PRDM10: variants seen among roughly 807,000 people sequenced by gnomAD.
The protein encoded by PRDM10 is PR domain zinc finger protein 10.
In PRDM10, 65 loss-of-function variants were observed where a neutral mutation model predicts 133.1. The observed-to-expected ratio is 0.49, with a 90% CI of 0.40 to 0.60. The LOEUF is 0.60. PRDM10 is among the 20% of genes least tolerant of loss of function. The probability of loss-of-function intolerance (pLI) is 0.00; values close to 1 mark genes in which losing one functional copy is unlikely to be tolerated. For synonymous variants in PRDM10, 582 were observed against 580.4 expected (o/e 1.00, Z -0.04); for missense variants, 1,137 against 1,507.1 (o/e 0.75, Z 4.07).
intron 1 of PRDM10, among the ~76,000 whole-genome samples, chr11:129,998,328 A>C (rs967260059): frequency 6.6e-6 from 1 of 152,144 alleles, no homozygotes; most frequent in Non-Finnish European, 1.5e-5. Flanking sequence ...AGCAGGAAAG[A>C]AGCTGTGGAG....
chr11:129,907,683 G>A (rs529067973), intron 19 of PRDM10, among the ~76,000 whole-genome samples: 27 of 151,914 alleles, frequency 1.8e-4, no homozygotes, highest in Admixed American at 8.5e-4. Context: ...GATTACAGAC[G>A]TGAGCCACTG....
At chr11:129,941,693 G>A (rs1228728135) in intron 7 of PRDM10, among the ~76,000 whole-genome samples, 4 of 152,220 alleles carry the variant, frequency 2.6e-5, no homozygotes, top group Non-Finnish European at 5.9e-5. Context: ...TTCAATACAT[G>A]ACATGAGATA....
At chr11:129,981,461 C>T (rs1327294579) in intron 1 of PRDM10, among the ~76,000 whole-genome samples, 1 of 152,112 alleles carries the variant, frequency 6.6e-6, no homozygotes, top group African/African-American at 2.4e-5. Flanking sequence ...GAAATGTAAT[C>T]ATACTTTTTT....
At chr11:129,925,299 G>T in intron 11 of PRDM10, 70 bp from the exon 12 acceptor site, 1 of 1,369,522 alleles carries the variant, frequency 7.3e-7, no homozygotes, top group South Asian at 1.4e-5. Context: ...CACTTTTACA[G>T]AGAAAGAGAG....
intron 8 of PRDM10, among the ~76,000 whole-genome samples, chr11:129,937,183 G>T (rs773574289): frequency 6.6e-6 from 1 of 152,186 alleles, no homozygotes; most frequent in Non-Finnish European, 1.5e-5. Flanking sequence ...CTGGGTGCAG[G>T]TTACATGGGT....
intron 1 of PRDM10, among the ~76,000 whole-genome samples, chr11:129,990,866 CAGTG>C (rs1372795785): frequency 6.6e-6 from 1 of 152,076 alleles, no homozygotes; most frequent in Non-Finnish European, 1.5e-5. Flanking sequence ...TTATTAAAGA[CAGTG>C]AGCTCAGATA....
chr11:129,993,763 C>T (rs547862169), intron 1 of PRDM10, among the ~76,000 whole-genome samples: 43 of 152,276 alleles, frequency 2.8e-4, no homozygotes, highest in African/African-American at 8.9e-4. Context: ...GGATTACAGG[C>T]GTGAGCCACC....
At position 129,915,038 on chromosome 11, in the gene PRDM10, AACAAG is replaced by A; in HGVS notation, c.2527-25_2527-21del. On this transcript the variant is annotated intron_variant, in intron 16 of 20. Transcript: ENST00000360871. ...CTTGGTCTGAAAAAGCAAGGCAAAAAACAAGAATAATTATTAGAATTTGTGATTTT... is the reference window on the plus strand; with the variant it reads ...CTTGGTCTGAAAAAGCAAGGCAAAAAAATAATTATTAGAATTTGTGATTTT... The A allele has an allele frequency of 6.4e-7, 1 of 1,557,248 alleles. No individual in the cohort carries two copies. Among genetic ancestry groups the A allele is most frequent in the Non-Finnish European group, 8.7e-7 (1 of 1,148,712 alleles).
chr11:129,980,861 GTT>G (rs60735364), intron 1 of PRDM10, among the ~76,000 whole-genome samples: 1,157 of 102,042 alleles, frequency 0.011, 18 homozygotes, highest in African/African-American at 0.042. Context: ...GACATTTCTG[GTT>G]TTTTTTTTTT....
At chr11:129,973,017 T>C (rs1461458699) in intron 1 of PRDM10, among the ~76,000 whole-genome samples, 1 of 152,234 alleles carries the variant, frequency 6.6e-6, no homozygotes, top group African/African-American at 2.4e-5. Context: ...AGCGCCTTTT[T>C]CTTCCTTTAT....
At chr11:129,917,050 T>C in intron 15 of PRDM10, 77 bp downstream of exon 15, 1 of 1,005,228 alleles carries the variant, frequency 9.9e-7, no homozygotes, top group East Asian at 2.6e-5. Flanking sequence ...AATCGTAGTA[T>C]ATATTTATAA....
At chr11:129,973,564 T>C (rs1015290959) in intron 1 of PRDM10, among the ~76,000 whole-genome samples, 25 of 152,310 alleles carry the variant, frequency 1.6e-4, no homozygotes, top group African/African-American at 5.8e-4. Context: ...GCATATTTAC[T>C]CATAATTAAA....
chr11:129,998,652 CTA>C (rs1565520121), intron 1 of PRDM10, among the ~76,000 whole-genome samples: 1 of 152,154 alleles, frequency 6.6e-6, no homozygotes, highest in Non-Finnish European at 1.5e-5. Flanking sequence ...ATTCCCTAAA[CTA>C]TTTCAAGTTA....
chr11:129,977,255 TAC>T (rs71057991), intron 1 of PRDM10, among the ~76,000 whole-genome samples: 14,799 of 132,048 alleles, frequency 0.11, 731 homozygotes, highest in Middle Eastern at 0.15. Context: ...ATGACTAAAA[TAC>T]ACACACACAC....
chr11:129,907,740 A>T (rs547327835), intron 19 of PRDM10, among the ~76,000 whole-genome samples: 1 of 152,010 alleles, frequency 6.6e-6, no homozygotes, highest in African/African-American at 2.4e-5. Flanking sequence ...TTCTGAGACA[A>T]TCATAGAAAT....
intron 3 of PRDM10, among the ~76,000 whole-genome samples, chr11:129,955,975 TAGAC>T (rs1249176731): frequency 3.9e-5 from 6 of 152,312 alleles, no homozygotes; most frequent in African/African-American, 2.4e-5. Flanking sequence ...TGGATGGAGA[TAGAC>T]AGGCATCTAG....
intron 20 of PRDM10, among the ~76,000 whole-genome samples, chr11:129,904,155 TAAAA>T (rs11409202): frequency 1.9e-5 from 2 of 107,414 alleles, no homozygotes; most frequent in Non-Finnish European, 1.9e-5. Flanking sequence ...CTCAGTATAC[TAAAA>T]AAAAAAAAAA....
intron 7 of PRDM10, among the ~76,000 whole-genome samples, chr11:129,940,420 A>G (rs980207435): frequency 6.6e-6 from 1 of 152,256 alleles, no homozygotes; most frequent in African/African-American, 2.4e-5. Context: ...ATGTTTTATG[A>G]AATGCAATTC....
chr11:129,933,501 A>G (rs1453130786), intron 9 of PRDM10, among the ~76,000 whole-genome samples: 1 of 152,188 alleles, frequency 6.6e-6, no homozygotes, highest in Non-Finnish European at 1.5e-5. Context: ...TACCATTATC[A>G]CACCTGAGAA....
Sources: gnomAD v4.1 joint callset for allele counts (sites outside exome capture counted in the v4.1 genomes callset) on GRCh38, gnomAD v4.1.1 for gene constraint, MANE v1.5 for transcripts, NCBI Gene and HGNC (gene_info 2026-07-23, HGNC 2026-07-21) for gene names.